Variants in RABGAP1L observed in about 807,000 individuals in gnomAD.
RABGAP1L encodes the protein RAB GTPase activating protein 1 like.
Under a neutral mutation model 137.7 loss-of-function variants are expected in RABGAP1L, and 63 were observed. That is an observed-to-expected ratio of 0.46 (90% CI 0.37 to 0.56). The LOEUF is 0.56. Among genes scored for constraint, RABGAP1L ranks in the 20% least tolerant of loss-of-function variants. The probability of loss-of-function intolerance (pLI) is 0.00; values close to 1 mark genes in which losing one functional copy is unlikely to be tolerated. For synonymous variants in RABGAP1L, 431 were observed against 433.7 expected (o/e 0.99, Z 0.08); for missense variants, 1,095 against 1,244.0 (o/e 0.88, Z 1.80).
At chr1:174,519,088 T>C (rs900657857) in intron 13 of RABGAP1L, among the ~76,000 whole-genome samples, 1 of 151,348 alleles carries the variant, frequency 6.6e-6, no homozygotes, top group African/African-American at 2.4e-5. Context: ...CTAATATATA[T>C]ATACACACAC....
chr1:174,629,924 C>A (rs1027709454), intron 13 of RABGAP1L, among the ~76,000 whole-genome samples: 1 of 152,136 alleles, frequency 6.6e-6, no homozygotes, highest in African/African-American at 2.4e-5. Flanking sequence ...AAAAAAATTA[C>A]TCAGTATTGA....
intron 1 of RABGAP1L, among the ~76,000 whole-genome samples, chr1:174,193,020 G>A (rs1667321559): frequency 6.6e-6 from 1 of 152,292 alleles, no homozygotes. Flanking sequence ...TCATTTGTAA[G>A]GTGGGAATAC....
At chr1:174,839,872 A>G (rs909211094) in intron 19 of RABGAP1L, among the ~76,000 whole-genome samples, 4 of 152,226 alleles carry the variant, frequency 2.6e-5, no homozygotes, top group Non-Finnish European at 4.4e-5. Flanking sequence ...GACTAAACTG[A>G]ACTGAAGAGA....
intron 1 of RABGAP1L, among the ~76,000 whole-genome samples, chr1:174,162,768 T>TC (rs1491359526): frequency 7.8e-5 from 10 of 128,188 alleles, no homozygotes; most frequent in African/African-American, 3.1e-4. Context: ...TTTTTTTTTT[T>TC]CTCTTTCTGT....
intron 19 of RABGAP1L, among the ~76,000 whole-genome samples, chr1:174,933,479 A>C (rs895665716): frequency 6.6e-6 from 1 of 152,170 alleles, no homozygotes; most frequent in Non-Finnish European, 1.5e-5. Context: ...TTGGATACCA[A>C]AGAAAATTGA....
intron 13 of RABGAP1L, among the ~76,000 whole-genome samples, chr1:174,563,140 G>T (rs1218505582): frequency 6.6e-6 from 1 of 152,096 alleles, no homozygotes; most frequent in Non-Finnish European, 1.5e-5. Context: ...TTACTATCTG[G>T]CTCTTTACCA....
At chr1:174,852,242 A>G (rs1027120945) in intron 19 of RABGAP1L, among the ~76,000 whole-genome samples, 2 of 152,154 alleles carry the variant, frequency 1.3e-5, no homozygotes, top group Non-Finnish European at 2.9e-5. Context: ...AGTGTGGGGA[A>G]TTGCTTCTGT....
chr1:174,383,215 A>C (rs1357973554), intron 12 of RABGAP1L, among the ~76,000 whole-genome samples: 1 of 151,136 alleles, frequency 6.6e-6, no homozygotes, highest in South Asian at 2.1e-4. Context: ...GGGACATTTA[A>C]GTCTGCAGAG....
intron 18 of RABGAP1L, among the ~76,000 whole-genome samples, chr1:174,807,333 G>A (rs1489795005): frequency 6.6e-6 from 1 of 152,080 alleles, no homozygotes; most frequent in African/African-American, 2.4e-5. Flanking sequence ...ACATATGTAC[G>A]AATTATGATT....
intron 19 of RABGAP1L, among the ~76,000 whole-genome samples, chr1:174,881,816 C>A (rs188302693): frequency 1.7e-3 from 261 of 151,916 alleles, no homozygotes; most frequent in Middle Eastern, 3.4e-3. Context: ...GCTTTTAATT[C>A]CATGTTGAAT....
At chr1:174,852,245 G>A (rs1484912396) in intron 19 of RABGAP1L, among the ~76,000 whole-genome samples, 2 of 152,122 alleles carry the variant, frequency 1.3e-5, no homozygotes, top group Non-Finnish European at 2.9e-5. Context: ...GTGGGGAATT[G>A]CTTCTGTGAT....
intron 12 of RABGAP1L, among the ~76,000 whole-genome samples, chr1:174,385,185 G>A (rs1197316042): frequency 2.6e-5 from 4 of 152,198 alleles, no homozygotes; most frequent in Non-Finnish European, 5.9e-5. Flanking sequence ...CACTAGGCTG[G>A]TAGCAGAGGG....
chr1:174,202,292 C>G (rs932467188), intron 1 of RABGAP1L, among the ~76,000 whole-genome samples: 7 of 152,118 alleles, frequency 4.6e-5, no homozygotes, highest in African/African-American at 1.4e-4. Context: ...TCCTATTTCT[C>G]CACATCCTCT....
intron 13 of RABGAP1L, among the ~76,000 whole-genome samples, chr1:174,616,340 T>G (rs1671860724): frequency 6.6e-6 from 1 of 152,240 alleles, no homozygotes; most frequent in Non-Finnish European, 1.5e-5. Flanking sequence ...GTCTAAATGA[T>G]GTTGGGAGAG....
chr1:174,827,140 G>GC (rs1691647267), intron 19 of RABGAP1L, among the ~76,000 whole-genome samples: 1 of 150,932 alleles, frequency 6.6e-6, no homozygotes, highest in African/African-American at 2.4e-5. Flanking sequence ...CTCTGTCTTT[G>GC]TTTTTTTTTA....
At chr1:174,873,329 A>G (rs1471840442) in intron 19 of RABGAP1L, among the ~76,000 whole-genome samples, 1 of 151,856 alleles carries the variant, frequency 6.6e-6, no homozygotes, top group Non-Finnish European at 1.5e-5. Flanking sequence ...TCGGCCTCCA[A>G]AAGTGCTGGG....
At chr1:174,683,658 G>C (rs1678252298) in intron 15 of RABGAP1L, 62 bp downstream of exon 15, 28 of 1,301,010 alleles carry the variant, frequency 2.2e-5, no homozygotes, top group Non-Finnish European at 3.1e-5. Flanking sequence ...CTTTCTACTG[G>C]CTTTGTTCTT....
At chr1:174,612,564 G>T (rs1671364126) in intron 13 of RABGAP1L, among the ~76,000 whole-genome samples, 1 of 152,116 alleles carries the variant, frequency 6.6e-6, no homozygotes, top group African/African-American at 2.4e-5. Flanking sequence ...GATGATGCTG[G>T]CCTCATAAAA....
chr1:174,695,798 A>C (rs892319535), intron 15 of RABGAP1L, among the ~76,000 whole-genome samples: 1 of 152,218 alleles, frequency 6.6e-6, no homozygotes, highest in African/African-American at 2.4e-5. Flanking sequence ...GTCTTTAGTC[A>C]CTGAAGCCAT....
Sources: allele counts gnomAD v4.1 joint callset (sites outside exome capture counted in the v4.1 genomes callset), GRCh38; gene constraint gnomAD v4.1.1; transcripts MANE v1.5; gene names NCBI Gene and HGNC (gene_info 2026-07-23, HGNC 2026-07-21).